PDGFA: variants seen among roughly 807,000 people sequenced by gnomAD.
PDGFA encodes platelet-derived growth factor subunit A.
In PDGFA, 9 loss-of-function variants were observed where a neutral mutation model predicts 25.6. The ratio of observed to expected loss-of-function variants is 0.35; its 90% CI spans 0.21 to 0.61. The LOEUF (loss-of-function observed/expected upper bound fraction) is 0.61, where lower values mean the gene tolerates loss of function less well. PDGFA is among the 20% of genes least tolerant of loss of function. The pLI, the probability that PDGFA is intolerant of heterozygous loss-of-function variation, is 0.75. For synonymous variants in PDGFA, 133 were observed against 111.8 expected (o/e 1.19, Z -1.20); for missense variants, 242 against 272.8 (o/e 0.89, Z 0.79).
intron 5 of PDGFA, among the ~76,000 whole-genome samples, chr7:499,979 G>A (rs1007857832): frequency 6.6e-6 from 1 of 152,060 alleles, no homozygotes; most frequent in African/African-American, 2.4e-5. Context: ...CAACACAGTA[G>A]CCAACAGCCC....
intron 4 of PDGFA, among the ~76,000 whole-genome samples, chr7:505,760 A>C (rs929859942): frequency 6.6e-6 from 1 of 151,920 alleles, no homozygotes; most frequent in African/African-American, 2.4e-5. Flanking sequence ...ACTCCTTCTC[A>C]CCTCTTTCAC....
At chr7:518,874 C>T in intron 1 of PDGFA, 65 bp downstream of exon 1, 1 of 1,150,462 alleles carries the variant, frequency 8.7e-7, no homozygotes, top group South Asian at 1.5e-5. Flanking sequence ...CCGTGGCGCC[C>T]CAGCCGGCGG....
chr7:514,893 A>G (rs1783019749), intron 2 of PDGFA, among the ~76,000 whole-genome samples: 1 of 152,222 alleles, frequency 6.6e-6, no homozygotes, highest in South Asian at 2.1e-4. Context: ...CCTCCGAATG[A>G]AACGCTTGGG....
chr7:499,765 T>C (rs1476819147), intron 5 of PDGFA, among the ~76,000 whole-genome samples: 6 of 101,744 alleles, frequency 5.9e-5, no homozygotes, highest in Admixed American at 5.8e-4. Context: ...GGAGCACAGA[T>C]GTGGTTTCTG....
intron 3 of PDGFA, among the ~76,000 whole-genome samples, chr7:511,246 TC>T (rs1425411533): frequency 8.5e-5 from 10 of 118,342 alleles, no homozygotes; most frequent in South Asian, 3.4e-4. Flanking sequence ...GGCCAGTGGC[TC>T]GGAGGGGAGG....
chr7:503,591 T>C (rs543507953), intron 4 of PDGFA, among the ~76,000 whole-genome samples: 27 of 152,248 alleles, frequency 1.8e-4, no homozygotes, highest in Admixed American at 1.7e-3. Flanking sequence ...CTCTGGAGAC[T>C]GGGCATCAGC....
exon 4 of PDGFA, chr7:510,877 A>T: frequency 6.2e-7 from 1 of 1,611,762 alleles, no homozygotes; most frequent in Non-Finnish European, 8.5e-7. Context: ...CAGCCGGTGC[A>T]GCGTTTCACC....
At chr7:506,869 C>A (rs2128396380) in intron 4 of PDGFA, among the ~76,000 whole-genome samples, 1 of 152,344 alleles carries the variant, frequency 6.6e-6, no homozygotes, top group East Asian at 1.9e-4. Context: ...TACCATCCAT[C>A]TTCTAACAAG....
chr7:511,248 G>T (rs1464427071), intron 3 of PDGFA, among the ~76,000 whole-genome samples: 1 of 148,664 alleles, frequency 6.7e-6, no homozygotes, highest in Admixed American at 6.7e-5. Context: ...CCAGTGGCTC[G>T]GAGGGGAGGG....
In PDGFA at chr7:512,881, C is replaced by T. The variant is rs545710920; in HGVS notation, c.161-426G>A. The T allele has an allele frequency of 1.1e-5, 3 of 279,448 alleles. No homozygotes were observed. In the South Asian group the frequency reaches 1.2e-4, roughly 11 times the overall value. 17.3% of individuals were successfully genotyped at this position (279,448 alleles called of 1,614,324 possible). A position where few individuals can be genotyped will look rare whatever the true frequency, so the allele number is the denominator to read the frequency against. On this transcript the variant is annotated intron_variant, in intron 2 of 5. Coordinates refer to ENST00000402802, the Ensembl canonical transcript of PDGFA. ...GGGCACAGGGCTAAGCCAGGCCCCACCTCTGTCTGGGGGCTGGAGCGAGGG... is the reference window on the plus strand; with the variant it reads ...GGGCACAGGGCTAAGCCAGGCCCCATCTCTGTCTGGGGGCTGGAGCGAGGG...
At position 500,516 on chromosome 7, in the gene PDGFA, AG is replaced by A; in HGVS notation, c.580+599del. 2 of 1,613,910 alleles carry A rather than the reference AG, an allele frequency of 1.2e-6. No homozygotes were observed. The highest frequency in any genetic ancestry group is 1.7e-6 in the Non-Finnish European group (2 of 1,180,012). On this transcript the variant is annotated intron_variant, in intron 5 of 5. Coordinates refer to ENST00000402802, the Ensembl canonical transcript of PDGFA. This position sits in a 1 kb window ranked among gnomAD's most constrained non-coding sequence, Gnocchi z 5.0. The stretch of plus-strand genomic sequence containing the variant: ...TAGGCCTTCCTGTTAACAAAAGGGC[AG>A]GGCGGTGAGTGGGCCGAGGGACGGC...
rs763939830 is a variant in PDGFA at position 518,928 on chromosome 7, G to A, written c.63+11C>T. The A allele has an allele frequency of 1.3e-6, 2 of 1,512,214 alleles. No individual in the cohort carries two copies. The highest frequency in any genetic ancestry group is 2.6e-5 in the East Asian group (1 of 38,272). 93.7% of individuals were successfully genotyped at this position (1,512,214 alleles called of 1,614,324 possible). A position where few individuals can be genotyped will look rare whatever the true frequency, so the allele number is the denominator to read the frequency against. On this transcript the variant is annotated intron_variant, in intron 1 of 5. Coordinates refer to ENST00000402802, the Ensembl canonical transcript of PDGFA. ...GCCGGCGCAGGGACGGGGCGCGGGG[G>A]CGGCACCAACCTCGGCCAGAACATG... is the stretch of plus-strand genomic sequence containing the variant.
chr7:503,832 G>A (rs1782453124), intron 4 of PDGFA, among the ~76,000 whole-genome samples: 1 of 152,174 alleles, frequency 6.6e-6, no homozygotes, highest in African/African-American at 2.4e-5. Flanking sequence ...GGGGTCAGGA[G>A]CCAGCTCAGA....
chr7:515,594 C>G (rs541347067), intron 2 of PDGFA, among the ~76,000 whole-genome samples: 23 of 152,296 alleles, frequency 1.5e-4, no homozygotes, highest in Admixed American at 6.5e-4. Flanking sequence ...CATATTCTCA[C>G]ACACAAAGCC....
At chr7:516,478 T>C (rs934422678) in intron 2 of PDGFA, among the ~76,000 whole-genome samples, 1 of 152,202 alleles carries the variant, frequency 6.6e-6, no homozygotes, top group African/African-American at 2.4e-5. Flanking sequence ...TTAGTTACTC[T>C]TTTTAACAAG....
rs540923256 is a variant in PDGFA at position 500,257 on chromosome 7, G to A, written c.580+859C>T. Among the ~76,000 whole-genome samples the A allele has an allele frequency of 2.6e-5, 4 of 152,208 alleles. No homozygotes were observed. The highest frequency in any genetic ancestry group is 9.6e-5 in the African/African-American group (4 of 41,464). On this transcript the variant is annotated intron_variant, in intron 5 of 5. Coordinates refer to ENST00000402802, the Ensembl canonical transcript of PDGFA. The surrounding 1 kb of genome is among the most constrained non-coding windows in gnomAD (Gnocchi z 5.0). ...TGAGCCACGGGCCAGGGCGTTCTGCGAGGCAGGAGCGGACGGGGAGCAAGG... is the reference window on the plus strand; with the variant it reads ...TGAGCCACGGGCCAGGGCGTTCTGCAAGGCAGGAGCGGACGGGGAGCAAGG...
chr7:499,850 A>C (rs552042262), intron 5 of PDGFA, among the ~76,000 whole-genome samples: 77 of 151,822 alleles, frequency 5.1e-4, no homozygotes, highest in African/African-American at 1.8e-3. Flanking sequence ...GCGGACACTG[A>C]TGATACCTCA....
exon 4 of PDGFA, chr7:510,851 A>G: frequency 1.2e-6 from 2 of 1,608,930 alleles, no homozygotes; most frequent in South Asian, 2.2e-5. Flanking sequence ...GGCACTTGAC[A>G]CTGCTCGTGT....
At chr7:510,757 G>GGGAGAGGAGAGGAGGGGAGGGGAGA in intron 4 of PDGFA, 52 bp downstream of exon 4, 1 of 534,338 alleles carries the variant, frequency 1.9e-6, no homozygotes, top group Non-Finnish European at 3.1e-6. Flanking sequence ...AGGAGGGGAG[G>GGGAGAGGAGAGGAGGGGAGGGGAGA]GGAGAGGAGA....
Sources: allele counts gnomAD v4.1 joint callset (sites outside exome capture counted in the v4.1 genomes callset), GRCh38; gene constraint gnomAD v4.1.1; non-coding constraint Gnocchi (gnomAD v3.1); transcripts MANE v1.5; gene names NCBI Gene and HGNC (gene_info 2026-07-23, HGNC 2026-07-21).